Variants in CACNA1E observed in about 807,000 individuals in gnomAD.
CACNA1E encodes voltage-dependent R-type calcium channel subunit alpha-1E.
Under a neutral mutation model 259.2 loss-of-function variants are expected in CACNA1E, and 40 were observed. That is an observed-to-expected ratio of 0.15 (90% CI 0.12 to 0.20). The LOEUF is 0.20. Ranked by LOEUF, CACNA1E falls within the 10% of genes least tolerant of loss-of-function variation. The probability of loss-of-function intolerance (pLI) is 1.00; values close to 1 mark genes in which losing one functional copy is unlikely to be tolerated. For synonymous variants in CACNA1E, 1,104 were observed against 1,138.5 expected (o/e 0.97, Z 0.61); for missense variants, 1,874 against 3,040.1 (o/e 0.62, Z 9.02).
Position 181,637,552 on chromosome 1 carries a change from G to A in CACNA1E, c.952-13786G>A, listed in dbSNP as rs1057362206. Reference sequence around the variant, plus strand: ...TCTGCTTGTCTCAGATTTAATCGGAGCCATACATTCCGCTTATTCACTTAT... The same window carrying A: ...TCTGCTTGTCTCAGATTTAATCGGAACCATACATTCCGCTTATTCACTTAT... On this transcript the variant is annotated intron_variant, in intron 6 of 47. Transcript: ENST00000367573. Among the ~76,000 whole-genome samples the A allele has an allele frequency of 2.6e-5, 4 of 151,450 alleles. No homozygotes were observed. In the East Asian group the frequency reaches 5.9e-4, roughly 22 times the overall value.
upstream of CACNA1E, among the ~76,000 whole-genome samples, chr1:181,482,824 C>CCGCT (rs1163222858): frequency 2.0e-4 from 31 of 151,528 alleles, no homozygotes; most frequent in African/African-American, 7.1e-4. Flanking sequence ...CGCCGCCCGC[C>CCGCT]CGCTCGCACT....
chr1:181,682,077 T>C (rs528078417), intron 7 of CACNA1E, among the ~76,000 whole-genome samples: 3 of 152,330 alleles, frequency 2.0e-5, no homozygotes, highest in Admixed American at 6.5e-5. Flanking sequence ...ACATCCAATG[T>C]TGGGGGCCAA....
intron 3 of CACNA1E, among the ~76,000 whole-genome samples, chr1:181,521,100 G>C (rs1053626247): frequency 6.6e-6 from 1 of 152,222 alleles, no homozygotes; most frequent in African/African-American, 2.4e-5. Flanking sequence ...CCTGGACCTT[G>C]GTGACAGAAC....
At chr1:181,651,278 G>T in intron 6 of CACNA1E, 60 bp from the exon 7 acceptor site, 1 of 1,110,490 alleles carries the variant, frequency 9.0e-7, no homozygotes, top group South Asian at 1.3e-5. Flanking sequence ...CTGCAAGAAT[G>T]TAAGCTTTAC....
intron 1 of CACNA1E, among the ~76,000 whole-genome samples, chr1:181,501,829 T>A (rs566932136): frequency 7.0e-4 from 106 of 152,222 alleles, no homozygotes; most frequent in African/African-American, 2.4e-3. Flanking sequence ...CGATGGCAGG[T>A]TGCATCCCAC....
intron 6 of CACNA1E, among the ~76,000 whole-genome samples, chr1:181,643,941 A>AT (rs569077169): frequency 2.5e-4 from 38 of 152,288 alleles, no homozygotes; most frequent in Admixed American, 2.0e-3. Flanking sequence ...TAGTATGTTT[A>AT]TTAAATATAC....
chr1:181,784,873 C>G, intron 41 of CACNA1E, 105 bp downstream of exon 41: 1 of 686,628 alleles, frequency 1.5e-6, no homozygotes, highest in Non-Finnish European at 2.5e-6. Flanking sequence ...AAAGTTTGCC[C>G]TTTTCAATTA....
At chr1:181,358,510 T>C (rs1653623801) in intron 1 of CACNA1E, among the ~76,000 whole-genome samples, 1 of 152,174 alleles carries the variant, frequency 6.6e-6, no homozygotes. Flanking sequence ...CAGGAGAGAT[T>C]TTATATTTTG....
intron 1 of CACNA1E, among the ~76,000 whole-genome samples, chr1:181,323,989 T>C (rs537117020): frequency 3.3e-5 from 5 of 152,360 alleles, no homozygotes; most frequent in African/African-American, 1.2e-4. Context: ...GAGCCTGGGC[T>C]TGGGGGGCAA....
chr1:181,482,555 C>T (rs1012589705), upstream of CACNA1E, among the ~76,000 whole-genome samples: 1 of 152,256 alleles, frequency 6.6e-6, no homozygotes, highest in Non-Finnish European at 1.5e-5. Context: ...GGCTGCGTCC[C>T]CGCCCCTCCC....
upstream of CACNA1E, among the ~76,000 whole-genome samples, chr1:181,482,649 C>T (rs1379991753): frequency 1.3e-5 from 2 of 151,778 alleles, no homozygotes; most frequent in Admixed American, 6.6e-5. Context: ...TCCTCTGCCT[C>T]GCCTCCCCAT....
chr1:181,555,130 GTAT>G (rs1168480335), intron 3 of CACNA1E, among the ~76,000 whole-genome samples: 1 of 152,188 alleles, frequency 6.6e-6, no homozygotes, highest in Non-Finnish European at 1.5e-5. Context: ...GTTCCTACTA[GTAT>G]TATCTCCTAT....
At chr1:181,724,445 G>A in intron 16 of CACNA1E, 25 bp from the exon 17 acceptor site, 1 of 1,603,050 alleles carries the variant, frequency 6.2e-7, no homozygotes, top group Non-Finnish European at 8.5e-7. Context: ...TTTCTTATTT[G>A]CCCATCCTTA....
intron 6 of CACNA1E, among the ~76,000 whole-genome samples, chr1:181,627,530 A>G (rs1162937199): frequency 6.6e-6 from 1 of 152,156 alleles, no homozygotes; most frequent in Non-Finnish European, 1.5e-5. Context: ...TAGTGGGCAA[A>G]GTAGAGCCAC....
chr1:181,789,722 G>A (rs760755474), intron 43 of CACNA1E, among the ~76,000 whole-genome samples: 51 of 152,224 alleles, frequency 3.4e-4, no homozygotes, highest in Non-Finnish European at 2.6e-4. Context: ...AAGAGTATCT[G>A]GAAGTACTAG....
intron 28 of CACNA1E, among the ~76,000 whole-genome samples, 177 bp downstream of exon 28, chr1:181,755,574 ACGAAAACTTG>A: frequency 6.6e-6 from 1 of 152,358 alleles, no homozygotes; most frequent in South Asian, 2.1e-4. Context: ...TGTGTCAGAC[ACGAAAACTTG>A]AGTGTAAAAT....
At chr1:181,631,746 A>C (rs1656763828) in intron 6 of CACNA1E, among the ~76,000 whole-genome samples, 1 of 152,210 alleles carries the variant, frequency 6.6e-6, no homozygotes, top group African/African-American at 2.4e-5. Flanking sequence ...TGAAAGCTCA[A>C]CTGGCAAAAT....
chr1:181,590,416 A>ATATATATATAT (rs1419171903), intron 6 of CACNA1E, among the ~76,000 whole-genome samples: 3 of 115,888 alleles, frequency 2.6e-5, no homozygotes, highest in African/African-American at 7.4e-5. Flanking sequence ...AAAAAAAAAA[A>ATATATATATAT]ATATATATAT....
At chr1:181,555,001 T>C (rs1459331283) in intron 3 of CACNA1E, among the ~76,000 whole-genome samples, 1 of 152,192 alleles carries the variant, frequency 6.6e-6, no homozygotes, top group Non-Finnish European at 1.5e-5. Context: ...ATAATCCCTA[T>C]GCAGAGTATT....
Sources: allele counts gnomAD v4.1 joint callset (sites outside exome capture counted in the v4.1 genomes callset), GRCh38; gene constraint gnomAD v4.1.1; transcripts MANE v1.5; gene names NCBI Gene and HGNC (gene_info 2026-07-23, HGNC 2026-07-21).